Variants in PPM1H observed in about 807,000 individuals in gnomAD.
PPM1H encodes protein phosphatase, Mg2+/Mn2+ dependent 1H.
Under a neutral mutation model 54.9 loss-of-function variants are expected in PPM1H, and 27 were observed. The ratio of observed to expected loss-of-function variants is 0.49; its 90% CI spans 0.36 to 0.68. PPM1H has a LOEUF of 0.68. PPM1H is among the 30% of genes least tolerant of loss of function. The pLI, the probability that PPM1H is intolerant of heterozygous loss-of-function variation, is 0.00. For missense variants in PPM1H, 596 were observed against 667.8 expected (o/e 0.89, Z 1.19); for synonymous variants, 305 against 270.8 (o/e 1.13, Z -1.24).
intron 2 of PPM1H, among the ~76,000 whole-genome samples, chr12:62,807,649 G>T (rs555596693): frequency 6.6e-6 from 1 of 152,240 alleles, no homozygotes. Context: ...ATAAAAACAA[G>T]TTTATAATGA....
At chr12:62,867,379 T>C (rs1173387144) in intron 1 of PPM1H, among the ~76,000 whole-genome samples, 1 of 152,048 alleles carries the variant, frequency 6.6e-6, no homozygotes, top group African/African-American at 2.4e-5. Flanking sequence ...ATCTTTAAAC[T>C]TTCCCCTTTG....
Position 62,931,599 on chromosome 12 carries a change from ACAT to A in PPM1H, c.245+2890_245+2892del, listed in dbSNP as rs149710521. Among the ~76,000 whole-genome samples the A allele has an allele frequency of 6.2e-3, 941 of 152,324 alleles. 12 individuals are homozygous for A. Among genetic ancestry groups the A allele is most frequent in the African/African-American group, 0.02 (847 of 41,576 alleles). On this transcript the variant is annotated intron_variant, in intron 1 of 9. Coordinates refer to ENST00000228705, the MANE Select transcript of PPM1H (RefSeq NM_020700.2). ...TGGCTATTCCTGGGTACAGATGAATACATCATAATTTAATCTACTGTAGAGAAC... is the reference window on the plus strand; with the variant it reads ...TGGCTATTCCTGGGTACAGATGAATACATAATTTAATCTACTGTAGAGAAC...
chr12:62,929,539 G>A (rs699589), intron 1 of PPM1H, among the ~76,000 whole-genome samples: 130,832 of 152,136 alleles, frequency 0.86, 56,488 homozygotes, highest in Non-Finnish European at 0.9. Flanking sequence ...AACCTTAATT[G>A]AAAGCACTGT....
chr12:62,714,465 G>A (rs2076225103), intron 6 of PPM1H, among the ~76,000 whole-genome samples: 1 of 152,090 alleles, frequency 6.6e-6, no homozygotes, highest in African/African-American at 2.4e-5. Context: ...AAAAAGTTAG[G>A]GGCTCTAAGG....
chr12:62,688,891 G>A lies in PPM1H; in HGVS notation c.1245+808C>T, dbSNP rs143372071. 8.8e-3 allele frequency among the ~76,000 whole-genome samples: 1,336 copies of A among 152,302 alleles called. 12 individuals are homozygous for A. Among genetic ancestry groups the A allele is most frequent in the Middle Eastern group, 0.024 (7 of 294 alleles). ...TGTGCCTGTAGTCCCAGCTACTCGGGAGGCTGAGACAGGAGAATCACTTGA... is the reference window on the plus strand; with the variant it reads ...TGTGCCTGTAGTCCCAGCTACTCGGAAGGCTGAGACAGGAGAATCACTTGA... On this transcript the variant is annotated intron_variant, in intron 8 of 9. Transcript: ENST00000228705.
intron 8 of PPM1H, among the ~76,000 whole-genome samples, chr12:62,676,933 G>A (rs1565753253): frequency 6.6e-6 from 1 of 152,178 alleles, no homozygotes; most frequent in Non-Finnish European, 1.5e-5. Context: ...AGTTCCAGGT[G>A]GAGTCCACAG....
At chr12:62,810,277 C>T (rs944320869) in intron 2 of PPM1H, among the ~76,000 whole-genome samples, 1 of 152,148 alleles carries the variant, frequency 6.6e-6, no homozygotes, top group Non-Finnish European at 1.5e-5. Context: ...CTTGATCTTG[C>T]TTTATTTACC....
At chr12:62,758,077 C>G (rs1456162537) in intron 4 of PPM1H, among the ~76,000 whole-genome samples, 1 of 152,228 alleles carries the variant, frequency 6.6e-6, no homozygotes, top group Non-Finnish European at 1.5e-5. Context: ...GTGCTTAAAA[C>G]TACCCCAGAA....
intron 5 of PPM1H, among the ~76,000 whole-genome samples, chr12:62,731,107 A>G (rs953151592): frequency 6.6e-6 from 1 of 152,260 alleles, no homozygotes; most frequent in African/African-American, 2.4e-5. Flanking sequence ...TTTTAAGAGA[A>G]GTTCACATTT....
chr12:62,852,127 G>T (rs1040629053), intron 1 of PPM1H, among the ~76,000 whole-genome samples: 2 of 151,380 alleles, frequency 1.3e-5, no homozygotes, highest in Non-Finnish European at 2.9e-5. Context: ...TATTCAGGAG[G>T]CTGAGGCAGG....
At chr12:62,896,943 C>A (rs533384246) in intron 1 of PPM1H, among the ~76,000 whole-genome samples, 5 of 151,958 alleles carry the variant, frequency 3.3e-5, no homozygotes, top group Non-Finnish European at 5.9e-5. Flanking sequence ...AGTTCATGTC[C>A]TTTGTAGGGA....
In PPM1H at chr12:62,801,865, G is replaced by C. The variant is rs1341456950; in HGVS notation, c.707C>G (p.Pro236Arg). The C allele has an allele frequency of 1.2e-6, 2 of 1,613,818 alleles. No individual in the cohort carries two copies. The highest frequency in any genetic ancestry group is 1.7e-6 in the Non-Finnish European group (2 of 1,179,840). Reference protein sequence around the residue: ...PTRFFTEKKIPHECLVIGALE... With the variant: ...PTRFFTEKKIRHECLVIGALE... Reference sequence around the variant, plus strand: ...CGCTCCGATGACCAGGCACTCATGGGGAATCTTCTTCTCGGTAAAGAAGCG... The same window carrying C: ...CGCTCCGATGACCAGGCACTCATGGCGAATCTTCTTCTCGGTAAAGAAGCG... The change falls in exon 3 of 10, where the codon CCC (proline) becomes CGC (arginine). Residue 236 changes from proline (P) to arginine (R), a missense_variant. Pro to Arg is a moderately radical substitution (Grantham distance 103). Transcript: ENST00000228705.
At chr12:62,719,010 A>T (rs2076249968) in intron 6 of PPM1H, among the ~76,000 whole-genome samples, 1 of 152,216 alleles carries the variant, frequency 6.6e-6, no homozygotes, top group Non-Finnish European at 1.5e-5. Flanking sequence ...CTATATTTTT[A>T]AAAATTATTT....
chr12:62,804,736 C>T (rs570656589), intron 2 of PPM1H, among the ~76,000 whole-genome samples: 269 of 133,394 alleles, frequency 2.0e-3, no homozygotes, highest in Middle Eastern at 0.014. Flanking sequence ...AGTGCAGTGG[C>T]GGGATCTCGG....
chr12:62,817,965 A>G (rs1359003421), intron 2 of PPM1H, among the ~76,000 whole-genome samples: 1 of 152,166 alleles, frequency 6.6e-6, no homozygotes, highest in East Asian at 1.9e-4. Flanking sequence ...AGATACTGAA[A>G]CCACACACTT....
At chr12:62,828,971 G>A (rs1486366800) in intron 2 of PPM1H, among the ~76,000 whole-genome samples, 1 of 151,628 alleles carries the variant, frequency 6.6e-6, no homozygotes, top group Non-Finnish European at 1.5e-5. Context: ...GTGAAGACGT[G>A]GAGAAATAGG....
intron 4 of PPM1H, among the ~76,000 whole-genome samples, chr12:62,769,139 A>T (rs966004171): frequency 5.3e-5 from 8 of 152,176 alleles, no homozygotes; most frequent in Non-Finnish European, 1.2e-4. Context: ...ATGCACTAAA[A>T]CAGTAATGAA....
chr12:62,823,757 T>G (rs1159606120), intron 2 of PPM1H, among the ~76,000 whole-genome samples: 1 of 152,160 alleles, frequency 6.6e-6, no homozygotes, highest in South Asian at 2.1e-4. Context: ...CTCAAAATAA[T>G]AGGAGCTATT....
At chr12:62,779,524 T>C (rs752554553) in intron 4 of PPM1H, among the ~76,000 whole-genome samples, 9 of 152,254 alleles carry the variant, frequency 5.9e-5, no homozygotes, top group Non-Finnish European at 1.0e-4. Flanking sequence ...AGCTAACTAT[T>C]ACTGAGCAGT....
Sources: gnomAD v4.1 joint callset for allele counts (sites outside exome capture counted in the v4.1 genomes callset) on GRCh38, gnomAD v4.1.1 for gene constraint, MANE v1.5 for transcripts, NCBI Gene and HGNC (gene_info 2026-07-23, HGNC 2026-07-21) for gene names.